Variants in MAGI2 observed in about 807,000 individuals in gnomAD.
MAGI2 encodes the protein membrane-associated guanylate kinase, WW and PDZ domain-containing protein 2.
In MAGI2, 35 loss-of-function variants were observed where a neutral mutation model predicts 133.3. The observed-to-expected ratio is 0.26, with a 90% CI of 0.20 to 0.35. The LOEUF (loss-of-function observed/expected upper bound fraction) is 0.35. MAGI2 is among the 10% of genes least tolerant of loss of function. The pLI is 1.00. For synonymous variants in MAGI2, 729 were observed against 710.6 expected (o/e 1.03, Z -0.41); for missense variants, 1,636 against 1,863.4 (o/e 0.88, Z 2.25).
At chr7:78,788,477 A>C (rs1452905296) in intron 2 of MAGI2, among the ~76,000 whole-genome samples, 1 of 151,474 alleles carries the variant, frequency 6.6e-6, no homozygotes, top group African/African-American at 2.4e-5. Context: ...GATGTAGATA[A>C]TTTCACAAAT....
chr7:78,615,763 C>T (rs1807018782), intron 3 of MAGI2: 2 of 152,130 alleles, frequency 1.3e-5, no homozygotes, highest in South Asian at 4.1e-4. Flanking sequence ...TATTGTATAT[C>T]GTTTAAAACT....
At chr7:78,089,900 T>C (rs890159505) in intron 20 of MAGI2, among the ~76,000 whole-genome samples, 3 of 152,198 alleles carry the variant, frequency 2.0e-5, no homozygotes, top group Admixed American at 6.5e-5. Context: ...CCATGCTTCT[T>C]GAACAGAATC....
At chr7:79,233,893 T>C (rs1232008915) in intron 1 of MAGI2, among the ~76,000 whole-genome samples, 4 of 151,822 alleles carry the variant, frequency 2.6e-5, no homozygotes, top group Admixed American at 2.0e-4. Flanking sequence ...CTAGTCTTGA[T>C]GGTCTTTACA....
At chr7:78,938,532 A>G (rs572121112) in intron 2 of MAGI2, among the ~76,000 whole-genome samples, 2 of 152,254 alleles carry the variant, frequency 1.3e-5, no homozygotes, top group South Asian at 4.1e-4. Flanking sequence ...AGCACACAAA[A>G]TAAGAAATGA....
chr7:79,032,554 C>G (rs952973236), intron 1 of MAGI2, among the ~76,000 whole-genome samples: 1 of 150,644 alleles, frequency 6.6e-6, no homozygotes, highest in African/African-American at 2.4e-5. Flanking sequence ...GGCACATTAC[C>G]CATTATGAGA....
chr7:78,155,277 A>G (rs1464358013), intron 16 of MAGI2, among the ~76,000 whole-genome samples: 2 of 152,160 alleles, frequency 1.3e-5, no homozygotes, highest in Non-Finnish European at 2.9e-5. Flanking sequence ...GCATAATGGG[A>G]CCAACATGCC....
intron 1 of MAGI2, among the ~76,000 whole-genome samples, chr7:79,088,977 T>C (rs1486139714): frequency 6.6e-6 from 1 of 151,810 alleles, no homozygotes; most frequent in Admixed American, 6.6e-5. Flanking sequence ...AGAGTTTCTC[T>C]AAAGAAAAAG....
At chr7:78,112,908 C>T (rs1331656062) in intron 20 of MAGI2, among the ~76,000 whole-genome samples, 1 of 152,268 alleles carries the variant, frequency 6.6e-6, no homozygotes, top group South Asian at 2.1e-4. Flanking sequence ...GTGGATGAGA[C>T]CCAACTGGAA....
chr7:78,729,009 CT>C (rs1165045686), intron 2 of MAGI2, among the ~76,000 whole-genome samples: 1 of 152,162 alleles, frequency 6.6e-6, no homozygotes, highest in African/African-American at 2.4e-5. Context: ...TGAGGGCATA[CT>C]ATAGATGCAG....
chr7:78,084,342 G>C (rs1025983164), intron 20 of MAGI2, among the ~76,000 whole-genome samples: 2 of 152,126 alleles, frequency 1.3e-5, no homozygotes, highest in African/African-American at 2.4e-5. Context: ...ACCCCTCATG[G>C]ACAGGGAACA....
At chr7:79,101,600 C>T (rs1042153484) in intron 1 of MAGI2, among the ~76,000 whole-genome samples, 3 of 151,156 alleles carry the variant, frequency 2.0e-5, no homozygotes, top group South Asian at 4.2e-4. Context: ...GGCGGGCGCC[C>T]GTAGTCCCAG....
intron 3 of MAGI2, among the ~76,000 whole-genome samples, chr7:78,602,826 A>G (rs1027211799): frequency 6.6e-6 from 1 of 152,246 alleles, no homozygotes; most frequent in Non-Finnish European, 1.5e-5. Context: ...ATCTACAAAT[A>G]GGCCAGAAAC....
intron 6 of MAGI2, among the ~76,000 whole-genome samples, chr7:78,481,091 A>C (rs1256098178): frequency 6.6e-6 from 1 of 152,008 alleles, no homozygotes; most frequent in Admixed American, 6.6e-5. Flanking sequence ...AAAATGGCAA[A>C]AGACCTAAAA....
chr7:79,158,055 C>T (rs1256615683), intron 1 of MAGI2, among the ~76,000 whole-genome samples: 1 of 151,370 alleles, frequency 6.6e-6, no homozygotes, highest in East Asian at 1.9e-4. Context: ...CCTTGGCACG[C>T]CAGACTTTTT....
intron 1 of MAGI2, among the ~76,000 whole-genome samples, chr7:79,255,897 A>C (rs748775103): frequency 1.1e-4 from 17 of 152,202 alleles, no homozygotes; most frequent in Non-Finnish European, 2.1e-4. Context: ...GATGTTTTCC[A>C]GTTGAATGGG....
At chr7:79,320,460 A>C (rs565989344) in intron 1 of MAGI2, among the ~76,000 whole-genome samples, 1 of 152,206 alleles carries the variant, frequency 6.6e-6, no homozygotes, top group African/African-American at 2.4e-5. Flanking sequence ...TGAATGTTTA[A>C]AAGTTGTTTT....
At chr7:79,136,068 G>GGAAAGAAAGAAAGAAAGAAAGAAAGAAA (rs368094018) in intron 1 of MAGI2, among the ~76,000 whole-genome samples, 2 of 94,662 alleles carry the variant, frequency 2.1e-5, no homozygotes, top group African/African-American at 4.8e-5. Context: ...AAAGAAAGAA[G>GGAAAGAAAGAAAGAAAGAAAGAAAGAAA]GAAAGAAAGA....
At chr7:78,944,015 T>C (rs113845930) in intron 2 of MAGI2, among the ~76,000 whole-genome samples, 18 of 152,320 alleles carry the variant, frequency 1.2e-4, no homozygotes, top group African/African-American at 4.3e-4. Context: ...TTTACTGTTA[T>C]ATTTTCAGAA....
intron 21 of MAGI2, chr7:78,078,282 C>T (rs943159946): frequency 1.3e-5 from 2 of 152,762 alleles, no homozygotes; most frequent in Non-Finnish European, 2.9e-5. Flanking sequence ...TTTGGATACA[C>T]TAGAGCTATG....
Sources: gnomAD v4.1 joint callset for allele counts (sites outside exome capture counted in the v4.1 genomes callset) on GRCh38, gnomAD v4.1.1 for gene constraint, MANE v1.5 for transcripts, NCBI Gene and HGNC (gene_info 2026-07-23, HGNC 2026-07-21) for gene names.